The following COLEC12 variants were observed in gnomAD, a reference collection of about 807,000 sequenced individuals.
COLEC12 encodes collectin subfamily member 12, also known as collectin-12.
Under a neutral mutation model 71.1 loss-of-function variants are expected in COLEC12, and 33 were observed. The observed-to-expected ratio is 0.46, with a 90% CI of 0.35 to 0.62. The LOEUF (loss-of-function observed/expected upper bound fraction) is 0.62, where lower values mean the gene tolerates loss of function less well. Ranked by LOEUF, COLEC12 falls within the 20% of genes least tolerant of loss-of-function variation. The pLI is 0.00. For synonymous variants in COLEC12, 350 were observed against 353.0 expected (o/e 0.99, Z 0.10); for missense variants, 765 against 916.1 (o/e 0.84, Z 2.13).
At chr18:497,260 G>A (rs2143799721) in intron 1 of COLEC12, among the ~76,000 whole-genome samples, 1 of 152,292 alleles carries the variant, frequency 6.6e-6, no homozygotes, top group East Asian at 1.9e-4. Flanking sequence ...TTAAATATCA[G>A]AATTAGAAAG....
At chr18:464,508 C>A (rs1917048364) in intron 2 of COLEC12, among the ~76,000 whole-genome samples, 1 of 152,178 alleles carries the variant, frequency 6.6e-6, no homozygotes, top group South Asian at 2.1e-4. Context: ...CATTTTAATG[C>A]CTCTCCCTTA....
chr18:348,291 C>A lies in COLEC12; in HGVS notation c.182-128G>T, dbSNP rs368488425. ...TGAACGAAAACAGTGTAACTGAAAT[C>A]AAATATAGGAAAGAAAAGCCATCTT... On this transcript the variant is annotated intron_variant, in intron 3 of 9. Coordinates refer to ENST00000400256, the MANE Select transcript of COLEC12 (RefSeq NM_130386.3). The A allele has an allele frequency of 2.5e-5, 14 of 561,708 alleles. No individual in the cohort carries two copies. In the South Asian group the frequency reaches 3.3e-4, roughly 13 times the overall value. The allele number at this position is 561,708 out of a possible 1,614,324, so 34.8% of individuals were successfully genotyped here.
intron 2 of COLEC12, among the ~76,000 whole-genome samples, chr18:407,535 T>C (rs35755880): frequency 0.12 from 18,455 of 152,248 alleles, 1,186 homozygotes; most frequent in African/African-American, 0.15. Flanking sequence ...GTCCCAGCTT[T>C]GAAGGCAGTC....
chr18:403,660 G>A (rs943162490), intron 2 of COLEC12, among the ~76,000 whole-genome samples: 3 of 152,192 alleles, frequency 2.0e-5, no homozygotes, highest in Non-Finnish European at 4.4e-5. Flanking sequence ...AAAGATAAAT[G>A]GAATTGGTTA....
At chr18:426,434 T>C (rs1328749199) in intron 2 of COLEC12, among the ~76,000 whole-genome samples, 1 of 152,174 alleles carries the variant, frequency 6.6e-6, no homozygotes, top group Non-Finnish European at 1.5e-5. Flanking sequence ...TGTAAGTGAT[T>C]TTTACTCATA....
chr18:323,050 C>T (rs1028759662), intron 8 of COLEC12, among the ~76,000 whole-genome samples: 1 of 152,146 alleles, frequency 6.6e-6, no homozygotes, highest in African/African-American at 2.4e-5. Flanking sequence ...CATGGCGAAA[C>T]CCTGTCTCTA....
Position 347,119 on chromosome 18 carries a change from T to C in COLEC12, c.503A>G (p.Asn168Ser), listed in dbSNP as rs768462335. The change falls in exon 5 of 10, where the codon AAC (asparagine) becomes AGC (serine). Residue 168 changes from asparagine (N) to serine (S), a missense_variant. Physicochemically the swap from Asn to Ser is conservative, Grantham distance 46. Coordinates refer to ENST00000400256, the MANE Select transcript of COLEC12 (RefSeq NM_130386.3). Reference sequence around the variant, plus strand: ...GCCATTATACGCCTGGAGGGTTTTGTTTACAGTGGTGATGAGGAAAGAGTT... The same window carrying C: ...GCCATTATACGCCTGGAGGGTTTTGCTTACAGTGGTGATGAGGAAAGAGTT... ...ENNSFLITTV[N>S]KTLQAYNGYV... 6.2e-7 allele frequency: 1 copy of C among 1,614,230 alleles called. No individual in the cohort carries two copies.
intron 2 of COLEC12, among the ~76,000 whole-genome samples, chr18:461,833 C>T (rs1371508005): frequency 6.6e-6 from 1 of 152,182 alleles, no homozygotes; most frequent in East Asian, 1.9e-4. Flanking sequence ...AGCTCAGGTA[C>T]AGCACTGCCC....
rs1004180549 is a variant in COLEC12, at chr18:500,364, C to T, written c.7+144G>A. The T allele has an allele frequency of 5.8e-6, 3 of 516,878 alleles. No homozygotes were observed. Among genetic ancestry groups the T allele is most frequent in the Non-Finnish European group, 8.8e-6 (3 of 342,484 alleles). 32.0% of individuals were successfully genotyped at this position (516,878 alleles called of 1,614,324 possible). ...GCCGGGTGCGCCCCCAGTGTCCGCG[C>T]ACGAACCCGGCGCCCTGGCAGCCCC... On this transcript the variant is annotated intron_variant, in intron 1 of 9. Coordinates refer to ENST00000400256, the MANE Select transcript of COLEC12 (RefSeq NM_130386.3). This position sits in a 1 kb window ranked among gnomAD's most constrained non-coding sequence, Gnocchi z 5.3.
In COLEC12 at chr18:346,623, C is replaced by T. The variant is rs1914378337; in HGVS notation, c.999G>A (p.Glu333=). 1 of 1,614,152 alleles carries T rather than the reference C, an allele frequency of 6.2e-7. No individual in the cohort carries two copies. The highest frequency in any genetic ancestry group is 8.5e-7 in the Non-Finnish European group (1 of 1,179,986). Reference sequence around the variant, plus strand: ...CCGTCTCAAAGAGCTGGAAGCGTTCCTCCAGTTGGTTGAACTTGATGGCTG... The same window carrying T: ...CCGTCTCAAAGAGCTGGAAGCGTTCTTCCAGTTGGTTGAACTTGATGGCTG... ...NRTAIKFNQL[E]ERFQLFETDI... The change falls in exon 5 of 10, where the codon GAG becomes GAA. Residue 333 remains glutamate, a synonymous_variant. Transcript: ENST00000400256. The surrounding 1 kb of genome is among the most constrained non-coding windows in gnomAD (Gnocchi z 4.0).
intron 2 of COLEC12, among the ~76,000 whole-genome samples, chr18:447,614 T>C (rs1050446171): frequency 1.3e-5 from 2 of 152,222 alleles, no homozygotes; most frequent in African/African-American, 2.4e-5. Context: ...CATTGCTCTT[T>C]ATGAGCCACT....
At chr18:421,558 T>C (rs927477821) in intron 2 of COLEC12, among the ~76,000 whole-genome samples, 2 of 152,188 alleles carry the variant, frequency 1.3e-5, no homozygotes, top group African/African-American at 4.8e-5. Flanking sequence ...AAGAATTACA[T>C]GTCTGCCTTT....
At chr18:394,752 T>C (rs934700020) in intron 2 of COLEC12, among the ~76,000 whole-genome samples, 1 of 152,166 alleles carries the variant, frequency 6.6e-6, no homozygotes, top group Admixed American at 6.5e-5. Flanking sequence ...GGCTCCATAA[T>C]GAGTTGTCCG....
At chr18:464,778 T>C (rs534964625) in intron 2 of COLEC12, among the ~76,000 whole-genome samples, 1 of 152,312 alleles carries the variant, frequency 6.6e-6, no homozygotes, top group South Asian at 2.1e-4. Context: ...TACTGTTCAA[T>C]CTCATCCAAC....
At chr18:381,268 T>C (rs1915226386) in intron 2 of COLEC12, among the ~76,000 whole-genome samples, 1 of 152,222 alleles carries the variant, frequency 6.6e-6, no homozygotes, top group South Asian at 2.1e-4. Context: ...GGCATGAAAC[T>C]GGCAGGAGAG....
At chr18:407,347 T>C (rs1915810678) in intron 2 of COLEC12, among the ~76,000 whole-genome samples, 1 of 152,120 alleles carries the variant, frequency 6.6e-6, no homozygotes, top group South Asian at 2.1e-4. Context: ...TTATAAGGGA[T>C]TGGCTCATGC....
At chr18:360,482 C>T (rs561611035) in intron 2 of COLEC12, among the ~76,000 whole-genome samples, 4 of 152,296 alleles carry the variant, frequency 2.6e-5, no homozygotes, top group South Asian at 2.1e-4. Flanking sequence ...TGAGCCACCA[C>T]GCCTGGCCAA....
intron 2 of COLEC12, among the ~76,000 whole-genome samples, chr18:468,684 G>A (rs1428574616): frequency 6.6e-6 from 1 of 152,162 alleles, no homozygotes; most frequent in Admixed American, 6.5e-5. Flanking sequence ...TTAAGTGCCA[G>A]GCATTGTGCT....
intron 5 of COLEC12, among the ~76,000 whole-genome samples, chr18:342,387 G>C (rs557264440): frequency 2.3e-4 from 35 of 152,258 alleles, no homozygotes; most frequent in African/African-American, 7.7e-4. Flanking sequence ...CAGTCAGTCA[G>C]CTTCAGCTCC....
Sources: gnomAD v4.1 joint callset for allele counts (sites outside exome capture counted in the v4.1 genomes callset) on GRCh38, gnomAD v4.1.1 for gene constraint, Gnocchi (gnomAD v3.1) non-coding constraint, MANE v1.5 for transcripts, NCBI Gene and HGNC (gene_info 2026-07-23, HGNC 2026-07-21) for gene names.